The following RPH3AL variants were observed in gnomAD, a reference collection of about 807,000 sequenced individuals.
RPH3AL encodes rab effector Noc2.
Under a neutral mutation model 43.1 loss-of-function variants are expected in RPH3AL, and 38 were observed. The ratio of observed to expected loss-of-function variants is 0.88; its 90% CI spans 0.68 to 1.15. The LOEUF (loss-of-function observed/expected upper bound fraction) is 1.15. RPH3AL is among the 50% of genes most tolerant of loss of function. The pLI is 0.00. For missense variants in RPH3AL, 462 were observed against 423.2 expected, an observed-to-expected ratio of 1.09 and a Z score of -0.81; for synonymous variants, 189 against 176.3, an observed-to-expected ratio of 1.07 and a Z score of -0.57.
At position 245,939 on chromosome 17, in the gene RPH3AL, C is replaced by T. The variant is rs534598789; in HGVS notation, c.613+1172G>A. ...AGGCAGCAGAGGTGTACGCAGCATC[C>T]GGTAGGACCAGCGAGGAGAGGCTGC... On this transcript the variant is annotated intron_variant, in intron 7 of 9. Transcript: ENST00000331302. This position sits in a 1 kb window ranked among gnomAD's most constrained non-coding sequence, Gnocchi z 5.9. Among the ~76,000 whole-genome samples, 14 of 152,250 alleles carry T rather than the reference C, an allele frequency of 9.2e-5. No homozygotes were observed. Among genetic ancestry groups the T allele is most frequent in the South Asian group, 2.1e-4 (1 of 4,830 alleles).
intron 6 of RPH3AL, among the ~76,000 whole-genome samples, chr17:268,553 G>GTTTTTTTTTTTTTTTT (rs5818749): frequency 2.7e-5 from 2 of 74,518 alleles, no homozygotes; most frequent in Non-Finnish European, 4.6e-5. Context: ...ATGTTTTTGG[G>GTTTTTTTTTTTTTTTT]TTTTTTTTTT....
At chr17:247,360 G>T in intron 6 of RPH3AL, 75 bp from the exon 7 acceptor site, 1 of 1,422,842 alleles carries the variant, frequency 7.0e-7, no homozygotes, top group Non-Finnish European at 9.3e-7. Context: ...CCCAGATGAC[G>T]GGAGGCAGGA....
rs1476722739 is a variant in RPH3AL at position 215,566 on chromosome 17, C to T, written c.876+88G>A. On this transcript the variant is annotated intron_variant, in intron 9 of 9. Coordinates refer to ENST00000331302, the MANE Select transcript of RPH3AL (RefSeq NM_006987.4). This position sits in a 1 kb window ranked among gnomAD's most constrained non-coding sequence, Gnocchi z 4.1. ...CAACATGCAGAATTGAAAACGTCAC[C>T]GACCAGTCTCCAGTTTGGGAGGAGT... 3 of 1,158,006 alleles carry T rather than the reference C, an allele frequency of 2.6e-6. No individual in the cohort carries two copies. Among genetic ancestry groups the T allele is most frequent in the South Asian group, 8.5e-5 (2 of 23,398 alleles). The allele number at this position is 1,158,006 out of a possible 1,614,324, so 71.7% of individuals were successfully genotyped here.
rs116654458 is a variant in RPH3AL, at chr17:310,766, G to A, written c.351+8654C>T. The stretch of plus-strand genomic sequence containing the variant: ...TGGCTCCTGACACCAGTCGGTGTGC[G>A]ATAAATATTTGTGGGATAAGGAAGG... On this transcript the variant is annotated intron_variant, in intron 5 of 9. Coordinates refer to ENST00000331302, the MANE Select transcript of RPH3AL (RefSeq NM_006987.4). 5.2e-3 allele frequency among the ~76,000 whole-genome samples: 787 copies of A among 152,338 alleles called. 10 individuals are homozygous for A. Among genetic ancestry groups the A allele is most frequent in the African/African-American group, 0.018 (751 of 41,568 alleles).
At chr17:306,153 G>T (rs999397841) in intron 5 of RPH3AL, among the ~76,000 whole-genome samples, 1 of 150,302 alleles carries the variant, frequency 6.7e-6, no homozygotes, top group East Asian at 2.0e-4. Context: ...GAGCCACTGC[G>T]CCCGACTTCC....
chr17:324,060 CGCG>C (rs1174184790), intron 3 of RPH3AL, among the ~76,000 whole-genome samples: 1 of 152,172 alleles, frequency 6.6e-6, no homozygotes, highest in Admixed American at 6.5e-5. Flanking sequence ...CCCTCAGCCA[CGCG>C]GCGAGGCAGG....
chr17:231,931 G>T (rs1376597846), intron 7 of RPH3AL, among the ~76,000 whole-genome samples: 1 of 152,278 alleles, frequency 6.6e-6, no homozygotes, highest in East Asian at 1.9e-4. Flanking sequence ...CGACAGGCAG[G>T]TGGGCTGCTG....
intron 7 of RPH3AL, among the ~76,000 whole-genome samples, chr17:226,244 G>A (rs2041104517): frequency 6.6e-6 from 1 of 152,224 alleles, no homozygotes; most frequent in Non-Finnish European, 1.5e-5. Context: ...GTGGGGAAGA[G>A]CCTCAGATGC....
At chr17:316,410 C>A (rs1433043713) in intron 5 of RPH3AL, among the ~76,000 whole-genome samples, 9 of 151,374 alleles carry the variant, frequency 5.9e-5, no homozygotes, top group Admixed American at 3.3e-4. Context: ...GTCCTGTAGT[C>A]CCTGTGACCC....
intron 5 of RPH3AL, among the ~76,000 whole-genome samples, chr17:296,454 C>A (rs1478480985): frequency 6.6e-6 from 1 of 152,022 alleles, no homozygotes; most frequent in Non-Finnish European, 1.5e-5. Flanking sequence ...CATGAACGGG[C>A]AGAGGGAATG....
Position 281,846 on chromosome 17 carries a change from G to A in RPH3AL, c.360C>T (p.Cys120=). 1 of 1,613,834 alleles carries A rather than the reference G, an allele frequency of 6.2e-7. No individual in the cohort carries two copies. The highest frequency in any genetic ancestry group is 1.3e-5 in the African/African-American group (1 of 75,012). ...VFCKDCRKKV[C]TKCGIEASPG... Reference sequence around the variant, plus strand: ...GGGAGGCCTCGATCCCACATTTGGTGCAGACTTTCTACAAGAGAGAGGACA... The same window carrying A: ...GGGAGGCCTCGATCCCACATTTGGTACAGACTTTCTACAAGAGAGAGGACA... The change falls in exon 6 of 10, where the codon TGC becomes TGT. Residue 120 remains cysteine, a synonymous_variant. Coordinates refer to ENST00000331302, the MANE Select transcript of RPH3AL (RefSeq NM_006987.4).
At chr17:319,655 G>T in intron 4 of RPH3AL, 106 bp from the exon 5 acceptor site, 1 of 1,388,652 alleles carries the variant, frequency 7.2e-7, no homozygotes, top group Non-Finnish European at 9.8e-7. Flanking sequence ...CCTCACCTGG[G>T]ATATTGTTCC....
chr17:316,886 A>G (rs551934725), intron 5 of RPH3AL, among the ~76,000 whole-genome samples: 30 of 146,544 alleles, frequency 2.0e-4, no homozygotes, highest in African/African-American at 6.7e-4. Flanking sequence ...ACCTCCATTG[A>G]CCTGTAGTCC....
chr17:267,683 G>A (rs1333941719), intron 6 of RPH3AL, among the ~76,000 whole-genome samples: 1 of 152,128 alleles, frequency 6.6e-6, no homozygotes, highest in African/African-American at 2.4e-5. Flanking sequence ...TCCCTGCTGG[G>A]GAAAGCCTCT....
intron 6 of RPH3AL, among the ~76,000 whole-genome samples, chr17:249,622 C>T (rs1474106728): frequency 2.0e-5 from 3 of 151,436 alleles, no homozygotes; most frequent in Admixed American, 6.6e-5. Context: ...CTTCCCACCC[C>T]GCAAACTTCC....
Position 219,192 on chromosome 17 carries a change from C to CTTTTTTTT in RPH3AL, c.727+423_727+430dup, listed in dbSNP as rs796389217. Among the ~76,000 whole-genome samples the CTTTTTTTT allele has an allele frequency of 2.7e-3, 154 of 58,002 alleles. 29 individuals are homozygous for CTTTTTTTT. Among genetic ancestry groups the CTTTTTTTT allele is most frequent in the African/African-American group, 8.2e-3 (105 of 12,784 alleles). 38.1% of individuals were successfully genotyped at this position (58,002 alleles called of 152,430 possible). On this transcript the variant is annotated intron_variant, in intron 8 of 9. Transcript: ENST00000331302. ...CCTGGGGCTTTGGAAATAAACAGCA[C>CTTTTTTTT]TTTTTTTTTTTTTTTTTTTTTTTTT...
chr17:331,817 C>T (rs1367684640), intron 2 of RPH3AL: 1 of 1,289,194 alleles, frequency 7.8e-7, no homozygotes, highest in Non-Finnish European at 1.0e-6. Flanking sequence ...CTGAAAACTC[C>T]AGAGAGCAGT....
intron 3 of RPH3AL, among the ~76,000 whole-genome samples, chr17:325,377 C>T (rs1431013023): frequency 6.6e-6 from 1 of 152,186 alleles, no homozygotes; most frequent in African/African-American, 2.4e-5. Context: ...CTGGCCCCTG[C>T]CTACCTCTCC....
chr17:219,122 A>G (rs1406609002), intron 8 of RPH3AL, among the ~76,000 whole-genome samples: 1 of 151,400 alleles, frequency 6.6e-6, no homozygotes, highest in Non-Finnish European at 1.5e-5. Context: ...CAGATGTAGA[A>G]GAACTCCTTG....
Sources: allele counts gnomAD v4.1 joint callset (sites outside exome capture counted in the v4.1 genomes callset), GRCh38; gene constraint gnomAD v4.1.1; non-coding constraint Gnocchi (gnomAD v3.1); transcripts MANE v1.5; gene names NCBI Gene and HGNC (gene_info 2026-07-23, HGNC 2026-07-21).